The following PKD1L3 variants were observed in gnomAD, a reference collection of about 807,000 sequenced individuals.
PKD1L3 encodes polycystin 1 like 3, transient receptor potential channel interacting.
PKD1L3 carries 239 observed loss-of-function variants against 184.1 expected under a neutral mutation model. The observed-to-expected ratio is 1.30, with a 90% CI of 1.17 to 1.45. The LOEUF is 1.45. Among genes scored for constraint, PKD1L3 ranks in the 40% most tolerant of loss-of-function variants. The pLI is 0.00. For synonymous variants in PKD1L3, 996 were observed against 778.8 expected, an observed-to-expected ratio of 1.28 and a Z score of -4.64; for missense variants, 2,660 against 2,067.2, an observed-to-expected ratio of 1.29 and a Z score of -5.56.
At chr16:71,973,277 A>G (rs1055108267) in intron 12 of PKD1L3, 47 bp downstream of exon 12, 2 of 1,529,456 alleles carry the variant, frequency 1.3e-6, no homozygotes, top group Non-Finnish European at 8.8e-7. Context: ...TGGGCTTAAC[A>G]GTAGCTATGG....
rs928204420 is a variant in PKD1L3 at position 71,982,216 on chromosome 16, A to C, written c.986T>G (p.Leu329Arg). The C allele has an allele frequency of 9.7e-6, 15 of 1,544,306 alleles. No individual in the cohort carries two copies. The highest frequency in any genetic ancestry group is 4.1e-5 in the African/African-American group (3 of 72,524). Residue 329 changes from leucine (L) to arginine (R), a missense_variant, in exon 7 of 30, where the codon CTT (leucine) becomes CGT (arginine). Transcript: ENST00000620267. ...GAGTAACTCCTCACTCAGGTAAATA[A>C]GGGAATTGATGAGATTAACCTGGGA... ...KPAQVNLINS[L>R]IYLSEELLRI...
intron 16 of PKD1L3, among the ~76,000 whole-genome samples, chr16:71,960,757 T>A (rs1356679539): frequency 2.6e-5 from 4 of 152,180 alleles, no homozygotes; most frequent in African/African-American, 9.7e-5. Flanking sequence ...TGTCTATATA[T>A]GTTTTAAAAA....
At position 71,986,450 on chromosome 16, in the gene PKD1L3, G is replaced by GGAT. The variant is rs1567548322; in HGVS notation, c.602_604dup (p.His201dup). The GGAT allele has an allele frequency of 1.9e-6, 3 of 1,551,818 alleles. No individual in the cohort carries two copies. The highest frequency in any genetic ancestry group is 1.4e-5 in the African/African-American group (1 of 73,152). Reference sequence around the variant, plus strand: ...TAGTACTGAAGGAAACTGGCTGATGGGATGACACAGGGTCTTGGACTAAAA... The same window carrying GGAT: ...TAGTACTGAAGGAAACTGGCTGATGGGATGATGACACAGGGTCTTGGACTAAAA... On this transcript the variant is annotated inframe_insertion, in exon 5 of 30. Transcript: ENST00000620267.
In PKD1L3 at chr16:71,985,588, C is replaced by A. The variant is rs1347585915; in HGVS notation, c.834+633G>T. On this transcript the variant is annotated intron_variant, in intron 5 of 29. Coordinates refer to ENST00000620267, the MANE Select transcript of PKD1L3 (RefSeq NM_181536.2). ...CTGGGACTACAGGCACATGCCACCA[C>A]ACCTGGCTAATTTTTTTTTGAAGTT... Among the ~76,000 whole-genome samples, 7 of 152,126 alleles carry A rather than the reference C, an allele frequency of 4.6e-5. No homozygotes were observed. In the South Asian group the frequency reaches 8.3e-4, roughly 18 times the overall value.
chr16:71,959,873 T>G (rs1292652509), intron 16 of PKD1L3, among the ~76,000 whole-genome samples: 2 of 151,980 alleles, frequency 1.3e-5, no homozygotes, highest in Non-Finnish European at 2.9e-5. Context: ...ATCCTAGCAC[T>G]TTGGGAGACC....
chr16:71,984,175 G>A lies in PKD1L3; in HGVS notation c.835-8C>T. The A allele has an allele frequency of 1.3e-6, 2 of 1,550,426 alleles. No individual in the cohort carries two copies. The highest frequency in any genetic ancestry group is 1.2e-5 in the South Asian group (1 of 83,974). ...TGCTATCTCATCTATGACCTATTGG[G>A]AACAAAGAAGTTGTCAAAATTACTC... On this transcript the variant is annotated splice_region_variant and splice_polypyrimidine_tract_variant and intron_variant, in intron 5 of 29. Transcript: ENST00000620267.
chr16:71,995,162 G>A (rs942620276), intron 2 of PKD1L3, among the ~76,000 whole-genome samples: 3 of 152,108 alleles, frequency 2.0e-5, no homozygotes, highest in East Asian at 1.9e-4. Flanking sequence ...TTGGGGGAAG[G>A]CTGCAACCTC....
At position 71,929,639 on chromosome 16, in the gene PKD1L3, A is replaced by C; in HGVS notation, c.5098T>G (p.Ser1700Ala). ...GGCCAACTGATTCCTAACAAATTTGAGAGCTTCTGTAGCAGTGTATCTATT... is the reference window on the plus strand; with the variant it reads ...GGCCAACTGATTCCTAACAAATTTGCGAGCTTCTGTAGCAGTGTATCTATT... ...ALIDTLLQKL[S>A]NLLGISWPQK... The change falls in exon 30 of 30, where the codon TCA becomes GCA. Residue 1700 changes from serine (S) to alanine (A), a missense_variant. Physicochemically the swap from Ser to Ala is moderately conservative, Grantham distance 99. Coordinates refer to ENST00000620267, the MANE Select transcript of PKD1L3 (RefSeq NM_181536.2). 6.4e-7 allele frequency: 1 copy of C among 1,551,830 alleles called. No homozygotes were observed. Among genetic ancestry groups the C allele is most frequent in the South Asian group, 1.2e-5 (1 of 84,052 alleles).
chr16:71,944,867 T>G (rs923310134), intron 22 of PKD1L3, among the ~76,000 whole-genome samples: 2 of 151,884 alleles, frequency 1.3e-5, no homozygotes, highest in Admixed American at 6.6e-5. Flanking sequence ...CCTGGCTAAT[T>G]TTTGTATTTT....
In PKD1L3 at chr16:71,973,443, G is replaced by C; in HGVS notation, c.1834C>G (p.Leu612Val). 1 of 1,551,768 alleles carries C rather than the reference G, an allele frequency of 6.4e-7. No homozygotes were observed. Residue 612 changes from leucine to valine, a missense_variant, in exon 12 of 30, where the codon CTG becomes GTG. Transcript: ENST00000620267. ...GIGTYYITAVLSERQEGAQQT... is the reference protein window; with the variant it reads ...GIGTYYITAVVSERQEGAQQT... The stretch of plus-strand genomic sequence containing the variant: ...TGAGCACCCTCCTGCCTCTCACTCA[G>C]CACAGCTGTTATATAGTAGGTGCCA...
At chr16:71,936,204 C>T (rs1309768988) in intron 25 of PKD1L3, among the ~76,000 whole-genome samples, 28 of 146,782 alleles carry the variant, frequency 1.9e-4, no homozygotes, top group East Asian at 4.0e-4. Context: ...ATTTTTTTTT[C>T]TTTTCTTTTT....
At chr16:71,969,491 T>TA in intron 13 of PKD1L3, among the ~76,000 whole-genome samples, 1 of 149,182 alleles carries the variant, frequency 6.7e-6, no homozygotes, top group East Asian at 2.0e-4. Flanking sequence ...TTTTTTTTTT[T>TA]AGTAGAGACA....
chr16:71,965,911 A>G (rs1338902800), intron 15 of PKD1L3, among the ~76,000 whole-genome samples: 1 of 152,082 alleles, frequency 6.6e-6, no homozygotes, highest in East Asian at 1.9e-4. Context: ...TGTCATTTTC[A>G]TTTACTGATG....
intron 5 of PKD1L3, among the ~76,000 whole-genome samples, chr16:71,984,872 A>C (rs10492824): frequency 0.21 from 31,905 of 152,090 alleles, 4,093 homozygotes; most frequent in South Asian, 0.43. Flanking sequence ...AAAAGAGTCC[A>C]TATTCAAGAG....
intron 2 of PKD1L3, among the ~76,000 whole-genome samples, chr16:71,997,897 C>T (rs2040849865): frequency 6.6e-6 from 1 of 152,202 alleles, no homozygotes; most frequent in Admixed American, 6.5e-5. Context: ...CGTTCGACTT[C>T]TCATCTTCCT....
intron 28 of PKD1L3, chr16:71,930,672 C>A (rs942987289): frequency 4.6e-5 from 7 of 151,784 alleles, no homozygotes; most frequent in African/African-American, 1.5e-4. Context: ...TTTCCATTGT[C>A]ATTTTTAAAG....
chr16:71,954,606 T>C (rs11075911), intron 16 of PKD1L3, among the ~76,000 whole-genome samples: 110,247 of 152,138 alleles, frequency 0.72, 40,565 homozygotes, highest in East Asian at 0.97. Flanking sequence ...TTTGATGAAT[T>C]TTTTACTCTT....
Position 71,929,643 on chromosome 16 carries a change from C to T in PKD1L3, c.5094G>A (p.Lys1698=). The T allele has an allele frequency of 6.4e-7, 1 of 1,551,648 alleles. No individual in the cohort carries two copies. The highest frequency in any genetic ancestry group is 1.2e-5 in the South Asian group (1 of 84,040). The change falls in exon 30 of 30, where the codon AAG becomes AAA. Residue 1698 remains lysine (K), a synonymous_variant. Coordinates refer to ENST00000620267, the MANE Select transcript of PKD1L3 (RefSeq NM_181536.2). Reference sequence around the variant, plus strand: ...AACTGATTCCTAACAAATTTGAGAGCTTCTGTAGCAGTGTATCTATTAGTG... The same window carrying T: ...AACTGATTCCTAACAAATTTGAGAGTTTCTGTAGCAGTGTATCTATTAGTG... ...EAALIDTLLQ[K]LSNLLGISWP...
chr16:71,966,423 CTTT>C (rs532620279), intron 15 of PKD1L3, among the ~76,000 whole-genome samples: 1 of 142,684 alleles, frequency 7.0e-6, no homozygotes. Context: ...AAGATCTTGA[CTTT>C]TTTTTTTTTT....
Sources: allele counts gnomAD v4.1 joint callset (sites outside exome capture counted in the v4.1 genomes callset), GRCh38; gene constraint gnomAD v4.1.1; transcripts MANE v1.5; gene names NCBI Gene and HGNC (gene_info 2026-07-23, HGNC 2026-07-21).